CDYL: variants seen among roughly 807,000 people sequenced by gnomAD.
CDYL encodes chromodomain Y like, also known as chromodomain Y-like protein.
In CDYL, 8 loss-of-function variants were observed where a neutral mutation model predicts 47.3. The observed-to-expected ratio is 0.17, with a 90% CI of 0.10 to 0.31. The LOEUF (loss-of-function observed/expected upper bound fraction) is 0.31, where lower values mean the gene tolerates loss of function less well. CDYL is among the 10% of genes least tolerant of loss of function. The pLI, the probability that CDYL is intolerant of heterozygous loss-of-function variation, is 1.00. For synonymous variants in CDYL, 266 were observed against 265.0 expected (o/e 1.00, Z -0.04); for missense variants, 471 against 701.4 (o/e 0.67, Z 3.71).
At chr6:4,735,421 C>CT (rs1275782936) in intron 3 of CDYL, among the ~76,000 whole-genome samples, 1 of 152,026 alleles carries the variant, frequency 6.6e-6, no homozygotes, top group Non-Finnish European at 1.5e-5. Flanking sequence ...AATAATGCTT[C>CT]TTTTTAAAAA....
chr6:4,736,604 A>G (rs943579162), intron 3 of CDYL, among the ~76,000 whole-genome samples: 11 of 150,886 alleles, frequency 7.3e-5, no homozygotes, highest in Admixed American at 6.6e-4. Flanking sequence ...AGGTTTGCAG[A>G]ATCACCTGGC....
chr6:4,866,566 GT>G (rs1761329056), intron 1 of CDYL, among the ~76,000 whole-genome samples: 1 of 152,050 alleles, frequency 6.6e-6, no homozygotes, highest in African/African-American at 2.4e-5. Flanking sequence ...ACAATGCCAA[GT>G]CCTTGAATAA....
intron 4 of CDYL, among the ~76,000 whole-genome samples, chr6:4,938,293 A>C (rs752074870): frequency 1.3e-5 from 2 of 151,764 alleles, no homozygotes; most frequent in Admixed American, 6.6e-5. Flanking sequence ...TTTCATCCTA[A>C]GTTCCAACTG....
At chr6:4,819,747 T>C (rs6936040) in intron 1 of CDYL, among the ~76,000 whole-genome samples, 4,044 of 152,278 alleles carry the variant, frequency 0.027, 185 homozygotes, top group African/African-American at 0.092. Flanking sequence ...TTTGGCAATG[T>C]CTGGAGACAT....
chr6:4,900,779 G>GTGTATGTATATATATATATA, intron 2 of CDYL, among the ~76,000 whole-genome samples: 1 of 51,720 alleles, frequency 1.9e-5, no homozygotes, highest in African/African-American at 6.3e-5. Context: ...GTATACGTGT[G>GTGTATGTATATATATATATA]TATATATATA....
chr6:4,952,967 C>T (rs1758754517), intron 6 of CDYL, among the ~76,000 whole-genome samples: 1 of 151,944 alleles, frequency 6.6e-6, no homozygotes, highest in African/African-American at 2.4e-5. Flanking sequence ...GGAGTCTCAC[C>T]ACGTTGGCCA....
chr6:4,739,826 G>C (rs1757765177), intron 3 of CDYL, among the ~76,000 whole-genome samples: 1 of 151,690 alleles, frequency 6.6e-6, no homozygotes, highest in Non-Finnish European at 1.5e-5. Flanking sequence ...GGTGGCGCAT[G>C]CCTGTATTCC....
intron 1 of CDYL, chr6:4,715,725 G>T (rs1757243582): frequency 3.1e-6 from 5 of 1,607,628 alleles, no homozygotes; most frequent in South Asian, 1.1e-5. Context: ...TCCTCTTGTT[G>T]GGATTGTAAT....
chr6:4,825,972 A>G (rs949078462), intron 1 of CDYL, among the ~76,000 whole-genome samples: 12 of 152,266 alleles, frequency 7.9e-5, no homozygotes, highest in Admixed American at 3.9e-4. Context: ...GGGGTAATGC[A>G]GTGTAGTACC....
At chr6:4,780,740 A>T (rs924753146) in intron 1 of CDYL, among the ~76,000 whole-genome samples, 3 of 152,218 alleles carry the variant, frequency 2.0e-5, no homozygotes, top group Admixed American at 2.0e-4. Context: ...GAGGAAAAAA[A>T]ACCCATCCAA....
At chr6:4,890,173 C>T (rs1762003708) in intron 1 of CDYL, 2 of 984,176 alleles carry the variant, frequency 2.0e-6, no homozygotes, top group South Asian at 9.4e-5. Flanking sequence ...AGCTTTCCTA[C>T]AAGACATAAT....
chr6:4,820,893 A>G (rs1376506707), intron 1 of CDYL, among the ~76,000 whole-genome samples: 1 of 152,202 alleles, frequency 6.6e-6, no homozygotes, highest in South Asian at 2.1e-4. Flanking sequence ...TGAAATCTGT[A>G]AAACATCCGC....
chr6:4,869,654 T>C (rs1253773518), intron 1 of CDYL, among the ~76,000 whole-genome samples: 1 of 152,202 alleles, frequency 6.6e-6, no homozygotes, highest in Non-Finnish European at 1.5e-5. Flanking sequence ...ATATGCATTT[T>C]AATTTATCGC....
chr6:4,923,100 A>G (rs1006853720), intron 2 of CDYL, among the ~76,000 whole-genome samples: 39 of 152,180 alleles, frequency 2.6e-4, no homozygotes, highest in African/African-American at 9.2e-4. Flanking sequence ...AATCTGCTCT[A>G]TTTGAAAATA....
At chr6:4,718,666 AAAC>A (rs1757314323) in intron 2 of CDYL, 1 of 152,206 alleles carries the variant, frequency 6.6e-6, no homozygotes, top group South Asian at 2.1e-4. Flanking sequence ...TTATAGTACC[AAAC>A]TTTTCTATTT....
chr6:4,819,069 A>G (rs768733786), intron 1 of CDYL, among the ~76,000 whole-genome samples: 1 of 150,186 alleles, frequency 6.7e-6, no homozygotes, highest in South Asian at 2.1e-4. Context: ...CTGTTTTTAT[A>G]CCTTGATAAT....
chr6:4,833,575 G>A (rs1463919069), intron 1 of CDYL, among the ~76,000 whole-genome samples: 1 of 149,122 alleles, frequency 6.7e-6, no homozygotes, highest in Non-Finnish European at 1.5e-5. Flanking sequence ...GAGTTCTGTA[G>A]ATGTCTATTA....
chr6:4,749,337 A>ATGGATGGATGGATGGATGGC (rs1757950619), intron 3 of CDYL, among the ~76,000 whole-genome samples: 1 of 128,238 alleles, frequency 7.8e-6, no homozygotes, highest in South Asian at 3.1e-4. Context: ...GGATGGATGG[A>ATGGATGGATGGATGGATGGC]TGGCTGGATA....
intron 1 of CDYL, among the ~76,000 whole-genome samples, chr6:4,847,732 C>T (rs375119145): frequency 2.0e-5 from 3 of 152,150 alleles, no homozygotes; most frequent in South Asian, 4.1e-4. Context: ...AGCTTTAGAA[C>T]GGGCAAAAAT....
Sources: gnomAD v4.1 joint callset for allele counts (sites outside exome capture counted in the v4.1 genomes callset) on GRCh38, gnomAD v4.1.1 for gene constraint, MANE v1.5 for transcripts, NCBI Gene and HGNC (gene_info 2026-07-23, HGNC 2026-07-21) for gene names.